TMEM101: variants seen among roughly 807,000 people sequenced by gnomAD.
The protein encoded by TMEM101 is putative NF-kappa-B-activating protein 130.
In TMEM101, 14 loss-of-function variants were observed where a neutral mutation model predicts 26.0. That is an observed-to-expected ratio of 0.54 (90% CI 0.36 to 0.84). The LOEUF (loss-of-function observed/expected upper bound fraction) is 0.84. Ranked by LOEUF, TMEM101 falls within the 40% of genes least tolerant of loss-of-function variation. The probability of loss-of-function intolerance (pLI) is 0.01; values close to 1 mark genes in which losing one functional copy is unlikely to be tolerated. For synonymous variants in TMEM101, 152 were observed against 145.1 expected, an observed-to-expected ratio of 1.05 and a Z score of -0.34; for missense variants, 292 against 345.1, an observed-to-expected ratio of 0.85 and a Z score of 1.22.
At position 44,020,346 on chromosome 17, in the gene TMEM101, G is replaced by C. The variant is rs996657419; in HGVS notation, c.-210+976C>G. 3.9e-5 allele frequency among the ~76,000 whole-genome samples: 6 copies of C among 152,216 alleles called. No homozygotes were observed. The East Asian group carries it at 1.2e-3, about 29-fold the overall frequency. On this transcript the variant is annotated intron_variant, in intron 2 of 4. Transcript: ENST00000585950. ...AATTGTATCGCTGTAATGTGTAATTGAAGTAACAAAGGTGCTGTGTTTTGT... is the reference window on the plus strand; with the variant it reads ...AATTGTATCGCTGTAATGTGTAATTCAAGTAACAAAGGTGCTGTGTTTTGT...
In TMEM101 at chr17:44,012,095, C is replaced by T. The variant is rs761402909; in HGVS notation, c.607G>A (p.Ala203Thr). The T allele has an allele frequency of 1.9e-6, 3 of 1,614,192 alleles. No homozygotes were observed. Among genetic ancestry groups the T allele is most frequent in the Admixed American group, 1.7e-5 (1 of 60,026 alleles). The change falls in exon 4 of 4, where the codon GCT becomes ACT. Residue 203 changes from alanine (A) to threonine (T), a missense_variant. By Grantham distance (58) the Ala-to-Thr change is moderately conservative (BLOSUM62 0). Transcript: ENST00000206380. ...AFLSGYYVTL[A>T]AQILAVLLPP... Reference sequence around the variant, plus strand: ...AGCAGTACAGCCAGGATCTGGGCAGCGAGGGTCACGTAGTAGCCTGACAGA... The same window carrying T: ...AGCAGTACAGCCAGGATCTGGGCAGTGAGGGTCACGTAGTAGCCTGACAGA...
At chr17:44,019,817 ATAAT>A (rs1185147992), upstream of TMEM101, among the ~76,000 whole-genome samples, 4 of 152,366 alleles carry the variant, frequency 2.6e-5, no homozygotes, top group East Asian at 7.7e-4. Flanking sequence ...AACTAAAAGC[ATAAT>A]TAATAAAAAC....
At chr17:44,019,415 C>T (rs143638202), upstream of TMEM101, 14 of 330,946 alleles carry the variant, frequency 4.2e-5, no homozygotes, top group South Asian at 3.2e-4. Flanking sequence ...CATGAAGCTT[C>T]GGCACAATCT....
At position 44,011,880 on chromosome 17, in the gene TMEM101, T is replaced by A. The variant is rs773012844; in HGVS notation, c.*48A>T. 8 of 1,522,600 alleles carry A rather than the reference T, an allele frequency of 5.3e-6. No individual in the cohort carries two copies. The highest frequency in any genetic ancestry group is 7.1e-6 in the Non-Finnish European group (8 of 1,120,044). The allele number at this position is 1,522,600 out of a possible 1,614,324, so 94.3% of individuals were successfully genotyped here. A position where few individuals can be genotyped will look rare whatever the true frequency, so the allele number is the denominator to read the frequency against. On this transcript the variant is annotated 3_prime_UTR_variant, in exon 4 of 4. Transcript: ENST00000206380. ...TGGGCCAGCAAGGAGGAAGGCAGGG[T>A]GACCCTCAGTGGCTCCCTGTGCCCA...
chr17:44,015,604 A>T (rs577982037), upstream of TMEM101, among the ~76,000 whole-genome samples: 163 of 152,272 alleles, frequency 1.1e-3, 2 homozygotes, highest in Middle Eastern at 0.017. Flanking sequence ...CGTCTTAGCC[A>T]GGATGGTCTC....
chr17:44,011,977 T>C lies in TMEM101; in HGVS notation c.725A>G (p.Glu242Gly), dbSNP rs775190389. 4.3e-6 allele frequency: 7 copies of C among 1,613,934 alleles called. No individual in the cohort carries two copies. Among genetic ancestry groups the C allele is most frequent in the South Asian group, 1.1e-5 (1 of 91,074 alleles). The stretch of plus-strand genomic sequence containing the variant: ...AGCAGTTCCGAAGATGCCCACACTC[T>C]CTCCAAGGAGCTTCATCTGGTTCCA... ...EFWNQMKLLG[E>G]SVGIFGTAVI... is the part of the protein sequence containing the mutation. The change falls in exon 4 of 4, where the codon GAG (glutamate) becomes GGG (glycine). Residue 242 changes from glutamate to glycine, a missense_variant. This residue lies in a region of TMEM101 where 149 missense variants were observed against 211.9 expected (regional missense o/e 0.70). Transcript: ENST00000206380.
chr17:44,011,997 G>A lies in TMEM101; in HGVS notation c.705C>T (p.Asn235=), dbSNP rs369622814. ...CACTCTCTCCAAGGAGCTTCATCTGGTTCCAGAACTCAACACGCCGCGTGT... is the reference window on the plus strand; with the variant it reads ...CACTCTCTCCAAGGAGCTTCATCTGATTCCAGAACTCAACACGCCGCGTGT... The part of the protein sequence containing the change: ...WHNTRRVEFW[N]QMKLLGESVG... Residue 235 remains asparagine (N), a synonymous_variant, in exon 4 of 4, where the codon AAC becomes AAT. Coordinates refer to ENST00000206380, the MANE Select transcript of TMEM101 (RefSeq NM_032376.4). 3 of 1,614,056 alleles carry A rather than the reference G, an allele frequency of 1.9e-6. No individual in the cohort carries two copies. In the African/African-American group the frequency reaches 4.0e-5, roughly 22 times the overall value.
rs1206367205 is a variant in TMEM101 at position 44,012,134 on chromosome 17, G to C, written c.568C>G (p.Leu190Val). ...IQLFFVLYGI[L>V]ALAFLSGYYV... is the part of the protein sequence containing the mutation. Reference sequence around the variant, plus strand: ...TAGCCTGACAGAAAGGCCAGGGCCAGGATGCCATACAGCACGAAGAACAGC... The same window carrying C: ...TAGCCTGACAGAAAGGCCAGGGCCACGATGCCATACAGCACGAAGAACAGC... The change falls in exon 4 of 4, where the codon CTG becomes GTG. Residue 190 changes from leucine to valine, a missense_variant. Around this residue, in one of 2 missense-constraint regions of TMEM101, gnomAD observed 149 missense variants for 211.9 expected, o/e 0.70. Coordinates refer to ENST00000206380, the MANE Select transcript of TMEM101 (RefSeq NM_032376.4). The C allele has an allele frequency of 6.2e-7, 1 of 1,614,252 alleles. No individual in the cohort carries two copies. The highest frequency in any genetic ancestry group is 8.5e-7 in the Non-Finnish European group (1 of 1,180,046).
chr17:44,014,258 G>T (rs1235759273), intron 2 of TMEM101, 99 bp downstream of exon 2: 2 of 1,389,566 alleles, frequency 1.4e-6, no homozygotes, highest in Non-Finnish European at 1.9e-6. Context: ...ACACTGTGCA[G>T]CTGGCCAGCA....
chr17:44,013,134 CTG>C lies in TMEM101; in HGVS notation c.338_339del (p.Thr113SerfsTer106), dbSNP rs1281879152. On this transcript the variant is annotated frameshift_variant, in exon 3 of 4. Transcript: ENST00000206380. LOFTEE classifies it high-confidence loss of function. Reference sequence around the variant, plus strand: ...ACAAGAAAGCCGCCGATGATGGCAACTGTGCGCGAGTACATACGGACCTAGGC... The same window carrying C: ...ACAAGAAAGCCGCCGATGATGGCAACTGCGCGAGTACATACGGACCTAGGC... ...DWLKVRMYSR[T>X]VAIIGGFLVL... 2.5e-6 allele frequency: 4 copies of C among 1,605,082 alleles called. No homozygotes were observed. The highest frequency in any genetic ancestry group is 3.4e-6 in the Non-Finnish European group (4 of 1,173,744).
Position 44,012,115 on chromosome 17 carries a change from G to A in TMEM101, c.587C>T (p.Ser196Leu). The A allele has an allele frequency of 6.2e-7, 1 of 1,614,234 alleles. No homozygotes were observed. The highest frequency in any genetic ancestry group is 8.5e-7 in the Non-Finnish European group (1 of 1,180,036). The change falls in exon 4 of 4, where the codon TCA becomes TTA. Residue 196 changes from serine to leucine, a missense_variant. Ser to Leu is a moderately radical substitution (Grantham distance 145). Coordinates refer to ENST00000206380, the MANE Select transcript of TMEM101 (RefSeq NM_032376.4). ...LYGILALAFL[S>L]GYYVTLAAQI... Reference sequence around the variant, plus strand: ...GGCAGCGAGGGTCACGTAGTAGCCTGACAGAAAGGCCAGGGCCAGGATGCC... The same window carrying A: ...GGCAGCGAGGGTCACGTAGTAGCCTAACAGAAAGGCCAGGGCCAGGATGCC...
chr17:44,022,991 G>A, intron 1 of TMEM101: 1 of 219,072 alleles, frequency 4.6e-6, no homozygotes, highest in Non-Finnish European at 9.4e-6. Flanking sequence ...TAAGCAAATT[G>A]CAATAGGAAG....
upstream of TMEM101, chr17:44,019,264 C>T: frequency 2.5e-6 from 1 of 403,296 alleles, no homozygotes; most frequent in East Asian, 8.2e-5. Flanking sequence ...CACCACCAGA[C>T]TGGGAAGCAA....
At position 44,012,351 on chromosome 17, in the gene TMEM101, C is replaced by G. The variant is rs138911524; in HGVS notation, c.466-115G>C. On this transcript the variant is annotated intron_variant, in intron 3 of 3. Coordinates refer to ENST00000206380, the MANE Select transcript of TMEM101 (RefSeq NM_032376.4). The stretch of plus-strand genomic sequence containing the variant: ...CCCTGCAGATGGGCTTCTGACTCCC[C>G]TCTTGGACTGGGGAACCTCTGAAAG... The G allele has an allele frequency of 9.4e-4, 942 of 997,822 alleles. 1 individual carries two copies. Among genetic ancestry groups the G allele is most frequent in the Non-Finnish European group, 1.2e-3 (860 of 696,120 alleles). 61.8% of individuals were successfully genotyped at this position (997,822 alleles called of 1,614,324 possible). A position where few individuals can be genotyped will look rare whatever the true frequency, so the allele number is the denominator to read the frequency against.
chr17:44,018,741 T>C (rs1209321619), upstream of TMEM101, among the ~76,000 whole-genome samples: 1 of 152,102 alleles, frequency 6.6e-6, no homozygotes, highest in Non-Finnish European at 1.5e-5. Flanking sequence ...CAGTTTCCAA[T>C]CAAGTCTCCA....
intron 1 of TMEM101, among the ~76,000 whole-genome samples, chr17:44,022,064 G>A (rs377321237): frequency 6.6e-6 from 1 of 152,146 alleles, no homozygotes; most frequent in African/African-American, 2.4e-5. Flanking sequence ...AAGTCATAGC[G>A]TTTTCTAATG....
intron 2 of TMEM101, among the ~76,000 whole-genome samples, chr17:44,020,994 T>C (rs958910173): frequency 1.3e-5 from 2 of 152,198 alleles, no homozygotes; most frequent in African/African-American, 4.8e-5. Context: ...GGGAACATGA[T>C]ACTGTTTTTC....
Position 44,014,844 on chromosome 17 carries a change from G to A in TMEM101, c.109C>T (p.Leu37=), listed in dbSNP as rs1345439727. The change falls in exon 1 of 4, where the codon CTG becomes TTG. Residue 37 remains leucine (L), a synonymous_variant. Coordinates refer to ENST00000206380, the MANE Select transcript of TMEM101 (RefSeq NM_032376.4). Reference sequence around the variant, plus strand: ...CGTGCCTCAGCCCTCTCAGCGTACAGCATGAGCTGGCTGAAGCAGCCCCAA... The same window carrying A: ...CGTGCCTCAGCCCTCTCAGCGTACAACATGAGCTGGCTGAAGCAGCCCCAA... ...PFWGCFSQLM[L]YAERAEARRK... 6.2e-7 allele frequency: 1 copy of A among 1,611,890 alleles called. No individual in the cohort carries two copies. Among genetic ancestry groups the A allele is most frequent in the South Asian group, 1.1e-5 (1 of 90,854 alleles).
rs1442825743 is a variant in TMEM101, at chr17:44,014,532, G to A, written c.143C>T (p.Pro48Leu). 6.4e-6 allele frequency: 10 copies of A among 1,567,984 alleles called. No individual in the cohort carries two copies. The highest frequency in any genetic ancestry group is 7.8e-6 in the Non-Finnish European group (9 of 1,154,276). ...YAERAEARRK[P>L]DIPVPYLYFD... Reference sequence around the variant, plus strand: ...ATACAGGTAAGGCACTGGGATGTCGGGCTTCCTGCGAGCCGGGAGTGGGGA... The same window carrying A: ...ATACAGGTAAGGCACTGGGATGTCGAGCTTCCTGCGAGCCGGGAGTGGGGA... The change falls in exon 2 of 4, where the codon CCC (proline) becomes CTC (leucine). Residue 48 changes from proline to leucine, a missense_variant. Coordinates refer to ENST00000206380, the MANE Select transcript of TMEM101 (RefSeq NM_032376.4).
Sources: gnomAD v4.1 joint callset for allele counts (sites outside exome capture counted in the v4.1 genomes callset) on GRCh38, gnomAD v4.1.1 for gene constraint, gnomAD v4.1.1 regional missense constraint, MANE v1.5 for transcripts, NCBI Gene and HGNC (gene_info 2026-07-23, HGNC 2026-07-21) for gene names.